Variants in GPSM1 observed in about 807,000 individuals in gnomAD.
GPSM1 encodes the protein G protein signaling modulator 1.
In GPSM1, 48 loss-of-function variants were observed where a neutral mutation model predicts 70.5. The ratio of observed to expected loss-of-function variants is 0.68; its 90% confidence interval spans 0.54 to 0.87. The LOEUF (loss-of-function observed/expected upper bound fraction) is 0.87. Ranked by LOEUF, GPSM1 falls within the 40% of genes least tolerant of loss-of-function variation. The probability of loss-of-function intolerance (pLI) is 0.00; values close to 1 mark genes in which losing one functional copy is unlikely to be tolerated. For missense variants in GPSM1, 981 were observed against 972.6 expected, an observed-to-expected ratio of 1.01 and a Z score of -0.11; for synonymous variants, 416 against 430.1, an observed-to-expected ratio of 0.97 and a Z score of 0.41.
At chr9:136,353,961 G>A (rs1554772550) in intron 11 of GPSM1, among the ~76,000 whole-genome samples, 1 of 152,184 alleles carries the variant, frequency 6.6e-6, no homozygotes, top group East Asian at 1.9e-4. Flanking sequence ...CCACAGACTG[G>A]GCCAATTCTC....
intron 2 of GPSM1, among the ~76,000 whole-genome samples, chr9:136,335,331 A>G (rs975401875): frequency 2.6e-5 from 4 of 151,180 alleles, no homozygotes; most frequent in Non-Finnish European, 5.9e-5. Flanking sequence ...AGTCTCCCCA[A>G]CCTACTCCCC....
At chr9:136,356,063 G>GGCA (rs1832811685) in intron 12 of GPSM1, among the ~76,000 whole-genome samples, 1 of 152,150 alleles carries the variant, frequency 6.6e-6, no homozygotes, top group Admixed American at 6.5e-5. Flanking sequence ...AGGCTGCAGG[G>GGCA]GCAGTCTCAG....
At chr9:136,354,758 G>A in intron 11 of GPSM1, 2 of 922,060 alleles carry the variant, frequency 2.2e-6, no homozygotes, top group Non-Finnish European at 2.6e-6. Flanking sequence ...TGAGGCCCAG[G>A]GCGGGGTTCA....
intron 9 of GPSM1, 105 bp from the exon 10 acceptor site, chr9:136,348,588 CAGAA>C: frequency 1.3e-6 from 1 of 744,992 alleles, no homozygotes; most frequent in Non-Finnish European, 2.2e-6. Flanking sequence ...GGCTGGCTGT[CAGAA>C]AGCCATGGCC....
chr9:136,331,564 C>G (rs1554768491), intron 1 of GPSM1, among the ~76,000 whole-genome samples: 2 of 152,152 alleles, frequency 1.3e-5, no homozygotes, highest in Admixed American at 1.3e-4. Flanking sequence ...GGGCTGGGGG[C>G]ACTCACACAC....
intron 1 of GPSM1, among the ~76,000 whole-genome samples, chr9:136,328,425 C>T (rs781794908): frequency 8.5e-5 from 13 of 152,156 alleles, no homozygotes; most frequent in Non-Finnish European, 1.9e-4. Flanking sequence ...TGGTACCAGG[C>T]CTCAGGCAGA....
In GPSM1 at chr9:136,336,850, C is replaced by G. The variant is rs539629817; in HGVS notation, c.427-71C>G. On this transcript the variant is annotated intron_variant, in intron 3 of 13. Transcript: ENST00000440944. Reference sequence around the variant, plus strand: ...TCGAGGGCTGGGACAGTGAGGACACCGGTGTGCCGGCTCTGCACATCGTGT... The same window carrying G: ...TCGAGGGCTGGGACAGTGAGGACACGGGTGTGCCGGCTCTGCACATCGTGT... 2.3e-4 allele frequency: 331 copies of G among 1,427,850 alleles called. No individual in the cohort carries two copies. The African/African-American group carries it at 4.1e-3, about 18-fold the overall frequency. The allele number at this position is 1,427,850 out of a possible 1,614,324, so 88.4% of individuals were successfully genotyped here.
In GPSM1 at chr9:136,355,853, G is replaced by C. The variant is rs1564358372; in HGVS notation, c.1612+7G>C. 6.3e-7 allele frequency: 1 copy of C among 1,598,186 alleles called. No individual in the cohort carries two copies. The highest frequency in any genetic ancestry group is 2.2e-5 in the East Asian group (1 of 44,618). ...ACCCTGGAGGACAGGATCGGTGAGT[G>C]CCCCCCTCAGCCGGGCCCTCCCTTG... On this transcript the variant is annotated splice_region_variant and intron_variant, in intron 12 of 13. Transcript: ENST00000440944.
chr9:136,354,963 C>A, intron 11 of GPSM1: 1 of 1,044,170 alleles, frequency 9.6e-7, no homozygotes, highest in Non-Finnish European at 1.2e-6. Context: ...GGACAGAGGC[C>A]TGGACTGGGG....
At chr9:136,339,669 G>C (rs1488132118) in intron 7 of GPSM1, 38 bp from the exon 8 acceptor site, 1 of 1,388,572 alleles carries the variant, frequency 7.2e-7, no homozygotes, top group African/African-American at 1.4e-5. Flanking sequence ...GGCTGGCCTG[G>C]AGAGGGCGGG....
intron 1 of GPSM1, among the ~76,000 whole-genome samples, chr9:136,330,963 G>A (rs1025933988): frequency 2.0e-5 from 3 of 152,148 alleles, no homozygotes; most frequent in Non-Finnish European, 1.5e-5. Context: ...AGCCCACAAG[G>A]CCTCAAGGTA....
In GPSM1 at chr9:136,340,872, CG is replaced by C; in HGVS notation, c.1090del (p.Asp364ThrfsTer10). 6.4e-7 allele frequency: 1 copy of C among 1,570,574 alleles called. No individual in the cohort carries two copies. Among genetic ancestry groups the C allele is most frequent in the Non-Finnish European group, 8.6e-7 (1 of 1,160,264 alleles). ...KKHLQISQEI[G>X]DRHGELTARM... ...CTCCGCCACCCCACTCGCCGCAGAT[CG>C]GGGACCGCCATGGGGAGCTCACGGC... On this transcript the variant is annotated frameshift_variant, in exon 9 of 14. Coordinates refer to ENST00000440944, the MANE Select transcript of GPSM1 (RefSeq NM_001145638.3). LOFTEE classifies it high-confidence loss of function. This position sits in a 1 kb window ranked among gnomAD's most constrained non-coding sequence, Gnocchi z 7.3.
chr9:136,344,474 G>A (rs114804209), intron 9 of GPSM1, among the ~76,000 whole-genome samples: 1 of 152,206 alleles, frequency 6.6e-6, no homozygotes, highest in Non-Finnish European at 1.5e-5. Flanking sequence ...GCGCTTTCTT[G>A]TTGTGTCCTC....
chr9:136,349,842 C>T (rs1340435190), intron 11 of GPSM1, 79 bp downstream of exon 11: 21 of 1,385,258 alleles, frequency 1.5e-5, no homozygotes, highest in Admixed American at 1.1e-4. Flanking sequence ...TGCCAGCCAA[C>T]GGGGCCAGGT....
At chr9:136,352,958 T>C in intron 11 of GPSM1, 1 of 287,996 alleles carries the variant, frequency 3.5e-6, no homozygotes, top group Non-Finnish European at 5.2e-6. Context: ...CGCACTCAAG[T>C]GAGCAGGGGC....
chr9:136,349,606 A>G lies in GPSM1; in HGVS notation c.1298A>G (p.His433Arg). The G allele has an allele frequency of 1.9e-6, 3 of 1,550,188 alleles. No homozygotes were observed. Among genetic ancestry groups the G allele is most frequent in the Non-Finnish European group, 2.6e-6 (3 of 1,146,676 alleles). Residue 433 changes from histidine to arginine, a missense_variant, in exon 11 of 14, where the codon CAC (histidine) becomes CGC (arginine). Transcript: ENST00000440944. ...PLEREQNGDS[H>R]HSGDWRGPSR... is the part of the protein sequence containing the mutation. ...CCCCAGGAGCAGAATGGAGACAGCC[A>G]CCATTCAGGGGACTGGCGGGGGCCC... is the stretch of plus-strand genomic sequence containing the variant.
At chr9:136,352,577 C>A (rs1588706736) in intron 11 of GPSM1, among the ~76,000 whole-genome samples, 1 of 152,228 alleles carries the variant, frequency 6.6e-6, no homozygotes, top group East Asian at 1.9e-4. Context: ...GTTGAGCTGG[C>A]CGGGAGGCCC....
intron 2 of GPSM1, among the ~76,000 whole-genome samples, chr9:136,335,203 C>G (rs1832204050): frequency 6.6e-6 from 1 of 151,814 alleles, no homozygotes; most frequent in Non-Finnish European, 1.5e-5. Context: ...GAGCCCCGGG[C>G]CCACTCCCAG....
intron 11 of GPSM1, chr9:136,354,924 G>A: frequency 9.7e-7 from 1 of 1,027,994 alleles, no homozygotes; most frequent in Non-Finnish European, 1.2e-6. Context: ...CCAGGCCAAG[G>A]CTGGGGAGGC....
Sources: gnomAD v4.1 joint callset for allele counts (sites outside exome capture counted in the v4.1 genomes callset) on GRCh38, gnomAD v4.1.1 for gene constraint, Gnocchi (gnomAD v3.1) non-coding constraint, MANE v1.5 for transcripts, NCBI Gene and HGNC (gene_info 2026-07-23, HGNC 2026-07-21) for gene names.